The following GALNT9 variants were observed in gnomAD, a reference collection of about 807,000 sequenced individuals.
GALNT9 encodes the protein GalNAc transferase 9.
Under a neutral mutation model 63.1 loss-of-function variants are expected in GALNT9, and 47 were observed. That is an observed-to-expected ratio of 0.75 (90% CI 0.59 to 0.95). The LOEUF (loss-of-function observed/expected upper bound fraction) is 0.95, where lower values mean the gene tolerates loss of function less well. Ranked by LOEUF, GALNT9 falls within the 40% of genes least tolerant of loss-of-function variation. The probability of loss-of-function intolerance (pLI) is 0.00; values close to 1 mark genes in which losing one functional copy is unlikely to be tolerated. For missense variants in GALNT9, 829 were observed against 874.8 expected, an observed-to-expected ratio of 0.95 and a Z score of 0.66; for synonymous variants, 396 against 365.7, an observed-to-expected ratio of 1.08 and a Z score of -0.94.
At chr12:132,233,479 T>C (rs1877922187) in intron 6 of GALNT9, among the ~76,000 whole-genome samples, 1 of 39,188 alleles carries the variant, frequency 2.6e-5, no homozygotes, top group Non-Finnish European at 4.4e-5. Context: ...CTCGATGGCG[T>C]GAGAGAGGAG....
rs1044562219 is a variant in GALNT9, at chr12:132,235,471, G to T, written c.1077+12439C>A. 2.0e-5 allele frequency among the ~76,000 whole-genome samples: 3 copies of T among 152,112 alleles called. No individual in the cohort carries two copies. The South Asian group carries it at 6.2e-4, about 32-fold the overall frequency. Reference sequence around the variant, plus strand: ...GGGGGCACCGGCTGCGGGAACTGGAGCTCAGAAGAGAAGGAAGCTGGGGCA... The same window carrying T: ...GGGGGCACCGGCTGCGGGAACTGGATCTCAGAAGAGAAGGAAGCTGGGGCA... On this transcript the variant is annotated intron_variant, in intron 6 of 10. Transcript: ENST00000328957.
rs567830015 is a variant in GALNT9, at chr12:132,279,860, T to C, written c.419+6390A>G. On this transcript the variant is annotated intron_variant, in intron 2 of 10. Transcript: ENST00000328957. This position sits in a 1 kb window ranked among gnomAD's most constrained non-coding sequence, Gnocchi z 4.1. ...GGGTCTCCTGGATCCAATTCCTGGATGCCCAGTGTCCGCCAGGTCTCCTGG... is the reference window on the plus strand; with the variant it reads ...GGGTCTCCTGGATCCAATTCCTGGACGCCCAGTGTCCGCCAGGTCTCCTGG... 2 of 152,110 alleles carry C rather than the reference T, an allele frequency of 1.3e-5. No individual in the cohort carries two copies. The highest frequency in any genetic ancestry group is 2.9e-5 in the Non-Finnish European group (2 of 68,040). The allele number at this position is 152,110 out of a possible 1,614,324, so 9.4% of individuals were successfully genotyped here. A position where few individuals can be genotyped will look rare whatever the true frequency, so the allele number is the denominator to read the frequency against.
intron 1 of GALNT9, among the ~76,000 whole-genome samples, chr12:132,320,076 C>T (rs1868710882): frequency 1.3e-5 from 2 of 152,270 alleles, no homozygotes; most frequent in Admixed American, 1.3e-4. Flanking sequence ...TCAAAGATCT[C>T]AGCTGCTAAC....
At chr12:132,314,595 G>A (rs1868415581) in intron 1 of GALNT9, among the ~76,000 whole-genome samples, 1 of 152,224 alleles carries the variant, frequency 6.6e-6, no homozygotes, top group African/African-American at 2.4e-5. Context: ...CCATGAAGCT[G>A]TCCTGACCTT....
At chr12:132,267,473 C>T (rs1156582767) in intron 2 of GALNT9, among the ~76,000 whole-genome samples, 2 of 152,210 alleles carry the variant, frequency 1.3e-5, no homozygotes, top group Non-Finnish European at 2.9e-5. Flanking sequence ...CCCACACCGT[C>T]GCCCAGCACC....
intron 6 of GALNT9, among the ~76,000 whole-genome samples, chr12:132,215,282 C>T (rs1200018801): frequency 1.3e-5 from 2 of 152,246 alleles, no homozygotes; most frequent in Non-Finnish European, 2.9e-5. Flanking sequence ...CCTCGCACAC[C>T]GAGCTGCAAT....
In GALNT9 at chr12:132,316,239, G is replaced by A. The variant is rs182532272; in HGVS notation, c.238+12727C>T. ...CTGGATCACAGTCAGTGCCTGCCCC[G>A]GGCCCCGACCTGCAAAGGGGGGTGC... On this transcript the variant is annotated intron_variant, in intron 1 of 10. Transcript: ENST00000328957. The surrounding 1 kb of genome is among the most constrained non-coding windows in gnomAD (Gnocchi z 4.3). 2.1e-3 allele frequency among the ~76,000 whole-genome samples: 312 copies of A among 152,072 alleles called. 1 individual carries two copies. Among genetic ancestry groups the A allele is most frequent in the African/African-American group, 6.7e-3 (278 of 41,478 alleles).
rs1880609036 is a variant in GALNT9, at chr12:132,286,700, T to C, written c.239-270A>G. Among the ~76,000 whole-genome samples the C allele has an allele frequency of 6.6e-6, 1 of 152,102 alleles. No homozygotes were observed. Among genetic ancestry groups the C allele is most frequent in the Non-Finnish European group, 1.5e-5 (1 of 68,028 alleles). ...CAGTGGACTCTGTGTGATGCTGCAA[T>C]GGTGGATATCTGTTATTATTATGTA... On this transcript the variant is annotated intron_variant, in intron 1 of 10. Transcript: ENST00000328957. This position sits in a 1 kb window ranked among gnomAD's most constrained non-coding sequence, Gnocchi z 7.4.
chr12:132,239,397 AAGAG>A (rs1265406448), intron 6 of GALNT9, among the ~76,000 whole-genome samples: 3 of 136,180 alleles, frequency 2.2e-5, no homozygotes, highest in East Asian at 2.3e-4. Context: ...CAGAGACAGA[AAGAG>A]AGACACACAC....
chr12:132,272,200 G>A (rs535222579), intron 2 of GALNT9, among the ~76,000 whole-genome samples: 11 of 152,326 alleles, frequency 7.2e-5, no homozygotes, highest in African/African-American at 1.2e-4. Flanking sequence ...CTTCTGTTAC[G>A]AGCGAGCAGA....
rs782407999 is a variant in GALNT9, at chr12:132,261,024, G to A, written c.685C>T (p.Arg229Trp). ...GTGGCCGCCTTCCAGCCCTGCAGCC[G>A]CGCGCGGATCAGTCCTTCCCGCCGG... ...NSRREGLIRA[R>W]LQGWKAATAP... is the part of the protein sequence containing the mutation. The change falls in exon 4 of 11, where the codon CGG (arginine) becomes TGG (tryptophan). Residue 229 changes from arginine to tryptophan, a missense_variant. Transcript: ENST00000328957. The A allele has an allele frequency of 1.2e-5, 19 of 1,550,742 alleles. No individual in the cohort carries two copies. The highest frequency in any genetic ancestry group is 4.9e-5 in the East Asian group (2 of 40,894).
At chr12:132,204,769 A>AC (rs1439234423) in intron 6 of GALNT9, among the ~76,000 whole-genome samples, 2 of 149,138 alleles carry the variant, frequency 1.3e-5, no homozygotes, top group East Asian at 4.0e-4. Flanking sequence ...CATCCCATCC[A>AC]CCCCATTAAA....
At chr12:132,237,867 C>T (rs1878063219) in intron 6 of GALNT9, among the ~76,000 whole-genome samples, 1 of 152,168 alleles carries the variant, frequency 6.6e-6, no homozygotes, top group Non-Finnish European at 1.5e-5. Context: ...GTGGAACCCT[C>T]CATCTGTGGC....
chr12:132,196,551 G>T lies in GALNT9; in HGVS notation c.*556C>A, dbSNP rs929401675. 13 of 986,158 alleles carry T rather than the reference G, an allele frequency of 1.3e-5. No individual in the cohort carries two copies. Among genetic ancestry groups the T allele is most frequent in the African/African-American group, 1.7e-5 (1 of 57,234 alleles). 61.1% of individuals were successfully genotyped at this position (986,158 alleles called of 1,614,324 possible). On this transcript the variant is annotated 3_prime_UTR_variant, in exon 11 of 11. Coordinates refer to ENST00000328957, the MANE Select transcript of GALNT9 (RefSeq NM_001122636.2). Reference sequence around the variant, plus strand: ...TTATTTGGTCTCTGCTGAAGCAGTCGTGCCAGCCTCCTAGACACGGCCTCA... The same window carrying T: ...TTATTTGGTCTCTGCTGAAGCAGTCTTGCCAGCCTCCTAGACACGGCCTCA...
chr12:132,265,152 G>A lies in GALNT9; in HGVS notation c.420-2527C>T, dbSNP rs1371335957. ...AGCCCCAAGAAAAAGATAAAGGAGC[G>A]CAAAGATTTTCCAACAAGTCCCAAA... On this transcript the variant is annotated intron_variant, in intron 2 of 10. Transcript: ENST00000328957. The surrounding 1 kb of genome is among the most constrained non-coding windows in gnomAD (Gnocchi z 5.3). 2.0e-5 allele frequency among the ~76,000 whole-genome samples: 3 copies of A among 152,160 alleles called. No individual in the cohort carries two copies. The highest frequency in any genetic ancestry group is 4.4e-5 in the Non-Finnish European group (3 of 68,022).
rs1362155980 is a variant in GALNT9 at position 132,262,540 on chromosome 12, G to A, written c.505C>T (p.Arg169Cys). ...FVNEALSVIL[R>C]SVHSVVNHTP... is the part of the protein sequence containing the mutation. Reference sequence around the variant, plus strand: ...TGGTTGACCACGCTGTGCACGGAGCGCAGGATGACCGACAGCGCCTCATTG... The same window carrying A: ...TGGTTGACCACGCTGTGCACGGAGCACAGGATGACCGACAGCGCCTCATTG... The change falls in exon 3 of 11, where the codon CGC becomes TGC. Residue 169 changes from arginine to cysteine, a missense_variant. By Grantham distance (180) the Arg-to-Cys change is radical. Coordinates refer to ENST00000328957, the MANE Select transcript of GALNT9 (RefSeq NM_001122636.2). 1.6e-5 allele frequency: 25 copies of A among 1,551,380 alleles called. No individual in the cohort carries two copies. Among genetic ancestry groups the A allele is most frequent in the Admixed American group, 3.9e-5 (2 of 50,974 alleles).
intron 5 of GALNT9, among the ~76,000 whole-genome samples, chr12:132,255,879 A>G (rs1467822428): frequency 3.9e-5 from 6 of 151,902 alleles, no homozygotes; most frequent in African/African-American, 1.5e-4. Context: ...GGTGTCCACC[A>G]TGGAAGCCGT....
rs1042858559 is a variant in GALNT9, at chr12:132,228,230, G to A, written c.1077+19680C>T. 7.9e-5 allele frequency among the ~76,000 whole-genome samples: 12 copies of A among 151,898 alleles called. No homozygotes were observed. In the East Asian group the frequency reaches 1.8e-3, roughly 22 times the overall value. On this transcript the variant is annotated intron_variant, in intron 6 of 10. Transcript: ENST00000328957. Reference sequence around the variant, plus strand: ...ACTCATGCAGAAAGGAGACACCCCCGCGTCCCTCCCCGGCGTCCCTCTGAC... The same window carrying A: ...ACTCATGCAGAAAGGAGACACCCCCACGTCCCTCCCCGGCGTCCCTCTGAC...
intron 5 of GALNT9, among the ~76,000 whole-genome samples, chr12:132,256,505 T>C (rs899909380): frequency 4.7e-5 from 7 of 149,750 alleles, no homozygotes; most frequent in Admixed American, 4.7e-4. Flanking sequence ...CATGTACGCA[T>C]GTCTCATTTA....
Sources: gnomAD v4.1 joint callset for allele counts (sites outside exome capture counted in the v4.1 genomes callset) on GRCh38, gnomAD v4.1.1 for gene constraint, Gnocchi (gnomAD v3.1) non-coding constraint, MANE v1.5 for transcripts, NCBI Gene and HGNC (gene_info 2026-07-23, HGNC 2026-07-21) for gene names.